The following ZFAT variants were observed in gnomAD, a reference collection of about 807,000 sequenced individuals.
The protein encoded by ZFAT is zinc finger and AT-hook domain containing.
In ZFAT, 64 loss-of-function variants were observed where a neutral mutation model predicts 117.7. The observed-to-expected ratio is 0.54, with a 90% CI of 0.44 to 0.67. The LOEUF (loss-of-function observed/expected upper bound fraction) is 0.67. Among genes scored for constraint, ZFAT ranks in the 30% least tolerant of loss-of-function variants. The pLI, the probability that ZFAT is intolerant of heterozygous loss-of-function variation, is 0.00. For missense variants in ZFAT, 1,433 were observed against 1,584.5 expected, an observed-to-expected ratio of 0.90 and a Z score of 1.62; for synonymous variants, 679 against 615.0, an observed-to-expected ratio of 1.10 and a Z score of -1.54.
the ZFAT span, among the ~76,000 whole-genome samples, chr8:134,749,328 A>G: frequency 6.6e-6 from 1 of 152,174 alleles, no homozygotes; most frequent in Non-Finnish European, 1.5e-5. Flanking sequence ...AGACTGGGTA[A>G]TTTATAAACA....
chr8:134,704,749 G>A (rs1277259235), intron 1 of ZFAT, among the ~76,000 whole-genome samples: 2 of 152,112 alleles, frequency 1.3e-5, no homozygotes, highest in East Asian at 3.8e-4. Flanking sequence ...CTCAATGGAG[G>A]AAGAAAAGGT....
At position 134,548,197 on chromosome 8, in the gene ZFAT, G is replaced by A. The variant is rs537070522; in HGVS notation, c.2977-15225C>T. On this transcript the variant is annotated intron_variant, in intron 11 of 15. Transcript: ENST00000377838. ...TTATTAAGCACTGCATAGGTGCTGGGAGTAAGACAAAAACTAAACAAAGAG... is the reference window on the plus strand; with the variant it reads ...TTATTAAGCACTGCATAGGTGCTGGAAGTAAGACAAAAACTAAACAAAGAG... Among the ~76,000 whole-genome samples, 3 of 152,308 alleles carry A rather than the reference G, an allele frequency of 2.0e-5. No individual in the cohort carries two copies. The South Asian group carries it at 6.2e-4, about 32-fold the overall frequency.
intron 7 of ZFAT, chr8:134,597,837 A>G (rs1827080615): frequency 6.6e-6 from 1 of 152,174 alleles, no homozygotes; most frequent in Non-Finnish European, 1.5e-5. Flanking sequence ...TTCTAAGAAA[A>G]CGTGAGAGCT....
At chr8:134,502,913 C>T (rs1340996550) in intron 15 of ZFAT, among the ~76,000 whole-genome samples, 1 of 152,212 alleles carries the variant, frequency 6.6e-6, no homozygotes, top group Non-Finnish European at 1.5e-5. Context: ...GCATCTAGCA[C>T]ATTGCAGGAA....
intron 2 of ZFAT, 152 bp from the exon 3 acceptor site, chr8:134,637,864 A>C: frequency 1.9e-6 from 2 of 1,076,936 alleles, no homozygotes; most frequent in Non-Finnish European, 2.6e-6. Flanking sequence ...GCTGCAAACA[A>C]TTATCGTTGG....
chr8:134,496,776 T>C (rs1818471808), intron 15 of ZFAT, among the ~76,000 whole-genome samples: 1 of 152,140 alleles, frequency 6.6e-6, no homozygotes, highest in Non-Finnish European at 1.5e-5. Context: ...TCCTAAGAAC[T>C]GTGACGGGGT....
intron 10 of ZFAT, among the ~76,000 whole-genome samples, chr8:134,578,411 C>CAA (rs778606284): frequency 0.017 from 1,141 of 68,184 alleles, 39 homozygotes; most frequent in African/African-American, 0.052. Flanking sequence ...AACTCTGTCT[C>CAA]AAAAAAAAAA....
At chr8:134,781,202 T>C in the ZFAT span, among the ~76,000 whole-genome samples, 3 of 152,178 alleles carry the variant, frequency 2.0e-5, no homozygotes, top group South Asian at 4.1e-4. Flanking sequence ...TGTGGCTCAC[T>C]GCAGTCTCAA....
chr8:134,806,631 T>C, the ZFAT span, among the ~76,000 whole-genome samples: 1 of 152,212 alleles, frequency 6.6e-6, no homozygotes, highest in African/African-American at 2.4e-5. Context: ...CTCAGTTTAA[T>C]TTTTTTAAAG....
chr8:134,480,232 G>T (rs548465008), intron 15 of ZFAT, among the ~76,000 whole-genome samples: 1 of 152,272 alleles, frequency 6.6e-6, no homozygotes, highest in South Asian at 2.1e-4. Context: ...AAAGTGCCGG[G>T]ATTACAGGCA....
chr8:134,580,357 T>C (rs1288427280), intron 10 of ZFAT, among the ~76,000 whole-genome samples: 1 of 152,198 alleles, frequency 6.6e-6, no homozygotes, highest in Non-Finnish European at 1.5e-5. Flanking sequence ...AAGGCAATCT[T>C]GGCTTCTAAG....
intron 2 of ZFAT, among the ~76,000 whole-genome samples, chr8:134,649,202 C>CACACACA (rs71298211): frequency 9.6e-5 from 14 of 146,196 alleles, no homozygotes; most frequent in South Asian, 2.1e-4. Flanking sequence ...CACACACACA[C>CACACACA]CCCATCATAC....
chr8:134,522,114 T>C (rs1483619755), intron 12 of ZFAT, among the ~76,000 whole-genome samples: 1 of 152,268 alleles, frequency 6.6e-6, no homozygotes, highest in Non-Finnish European at 1.5e-5. Flanking sequence ...TGTCTTTCTT[T>C]GACCACACTC....
chr8:134,670,864 A>C (rs1798647836), intron 1 of ZFAT, among the ~76,000 whole-genome samples: 1 of 152,242 alleles, frequency 6.6e-6, no homozygotes. Flanking sequence ...AGCCACACTA[A>C]TAAAGAAGAA....
chr8:134,696,613 C>T lies in ZFAT; in HGVS notation c.19+16232G>A, dbSNP rs1833855929. 5.1e-6 allele frequency: 5 copies of T among 986,050 alleles called. No homozygotes were observed. The Admixed American group carries it at 2.5e-4, about 48-fold the overall frequency. 61.1% of individuals were successfully genotyped at this position (986,050 alleles called of 1,614,324 possible). ...TGGCTGGCACCACCCACCCGCGCTT[C>T]TCTCCAATACAGCCACAGCCCTGCC... On this transcript the variant is annotated intron_variant, in intron 1 of 15. Transcript: ENST00000377838.
At chr8:134,818,650 T>C in the ZFAT span, among the ~76,000 whole-genome samples, 2 of 152,192 alleles carry the variant, frequency 1.3e-5, no homozygotes, top group African/African-American at 4.8e-5. Flanking sequence ...TACATACATA[T>C]TCATAGAAGC....
chr8:134,742,651 T>G, the ZFAT span, among the ~76,000 whole-genome samples: 2 of 152,230 alleles, frequency 1.3e-5, no homozygotes, highest in East Asian at 3.8e-4. Flanking sequence ...ATTATTTCAT[T>G]CCTGAGCTCA....
At chr8:134,827,858 A>T in the ZFAT span, among the ~76,000 whole-genome samples, 3 of 152,170 alleles carry the variant, frequency 2.0e-5, no homozygotes, top group African/African-American at 7.2e-5. Context: ...TTTATTGAAA[A>T]GAACATTGGG....
At chr8:134,699,935 T>C (rs1833966463) in intron 1 of ZFAT, among the ~76,000 whole-genome samples, 1 of 152,156 alleles carries the variant, frequency 6.6e-6, no homozygotes, top group Non-Finnish European at 1.5e-5. Context: ...GGGAGCTAAG[T>C]GGCATACAGG....
Sources: gnomAD v4.1 joint callset for allele counts (sites outside exome capture counted in the v4.1 genomes callset) on GRCh38, gnomAD v4.1.1 for gene constraint, MANE v1.5 for transcripts, NCBI Gene and HGNC (gene_info 2026-07-23, HGNC 2026-07-21) for gene names.